Variants in HS3ST2 observed in about 807,000 individuals in gnomAD.
HS3ST2 encodes the protein heparan sulfate glucosamine 3-O-sulfotransferase 2.
Under a neutral mutation model 26.3 loss-of-function variants are expected in HS3ST2, and 17 were observed. That is an observed-to-expected ratio of 0.65 (90% CI 0.44 to 0.97). HS3ST2 has a LOEUF of 0.97. Ranked by LOEUF, HS3ST2 falls within the 50% of genes least tolerant of loss-of-function variation. HS3ST2 has a pLI of 0.00. For synonymous variants in HS3ST2, 237 were observed against 219.2 expected, an observed-to-expected ratio of 1.08 and a Z score of -0.72; for missense variants, 402 against 501.2, an observed-to-expected ratio of 0.80 and a Z score of 1.89.
rs1902475109 is a variant in HS3ST2 at position 22,915,063 on chromosome 16, T to C, written c.605T>C (p.Val202Ala). Residue 202 changes from valine (V) to alanine (A), a missense_variant, in exon 2 of 2, where the codon GTG becomes GCG. By Grantham distance (64) the Val-to-Ala change is moderately conservative. Coordinates refer to ENST00000261374, the MANE Select transcript of HS3ST2 (RefSeq NM_006043.2). The stretch of plus-strand genomic sequence containing the variant: ...ATGTCCCGAGACACCAAGCTGATCG[T>C]GGTTGTGCGGAACCCTGTGACCCGT... ...FNMSRDTKLIVVVRNPVTRAI... is the reference protein window; with the variant it reads ...FNMSRDTKLIAVVRNPVTRAI... 1 of 1,613,756 alleles carries C rather than the reference T, an allele frequency of 6.2e-7. No homozygotes were observed.
intron 1 of HS3ST2, among the ~76,000 whole-genome samples, chr16:22,878,199 T>G (rs184905670): frequency 6.6e-6 from 1 of 152,396 alleles, no homozygotes; most frequent in East Asian, 1.9e-4. Flanking sequence ...CTGTCATTCA[T>G]GTAGCCCCTT....
intron 1 of HS3ST2, among the ~76,000 whole-genome samples, chr16:22,899,497 C>T (rs1045862618): frequency 6.6e-6 from 1 of 152,152 alleles, no homozygotes; most frequent in African/African-American, 2.4e-5. Flanking sequence ...CTGAAATAGT[C>T]ATGCAGAGCT....
intron 1 of HS3ST2, among the ~76,000 whole-genome samples, chr16:22,887,810 A>G (rs961652937): frequency 1.3e-5 from 2 of 149,752 alleles, no homozygotes; most frequent in African/African-American, 4.9e-5. Flanking sequence ...CTAGCCAGGC[A>G]TGGTTGTATG....
At chr16:22,860,702 C>T (rs1901661837) in intron 1 of HS3ST2, among the ~76,000 whole-genome samples, 1 of 151,792 alleles carries the variant, frequency 6.6e-6, no homozygotes, top group Non-Finnish European at 1.5e-5. Context: ...AAGCCATAGT[C>T]TTAGATATAT....
chr16:22,822,611 T>C (rs1325375262), intron 1 of HS3ST2, among the ~76,000 whole-genome samples: 2 of 152,120 alleles, frequency 1.3e-5, no homozygotes, highest in African/African-American at 4.8e-5. Context: ...CCCAGCACTT[T>C]GGGAGGCCAA....
chr16:22,875,486 T>A (rs1476968708), intron 1 of HS3ST2, among the ~76,000 whole-genome samples: 14 of 152,146 alleles, frequency 9.2e-5, no homozygotes, highest in Admixed American at 2.6e-4. Flanking sequence ...GTTCAAGTGA[T>A]TCTCCTGCCT....
rs373426017 is a variant in HS3ST2 at position 22,847,741 on chromosome 16, G to A, written c.485+32646G>A. On this transcript the variant is annotated intron_variant, in intron 1 of 1. Transcript: ENST00000261374. ...GTCAGGAGTACGATTAACTTTGAAC[G>A]CCTGATGTTAAAAAAAAGAATAGGG... Among the ~76,000 whole-genome samples the A allele has an allele frequency of 4.7e-5, 7 of 150,520 alleles. No individual in the cohort carries two copies. In the East Asian group the frequency reaches 9.8e-4, roughly 21 times the overall value.
intron 1 of HS3ST2, among the ~76,000 whole-genome samples, chr16:22,911,776 C>T (rs1902427290): frequency 6.6e-6 from 1 of 152,148 alleles, no homozygotes; most frequent in Admixed American, 6.6e-5. Context: ...ATATGCAAGT[C>T]CTTAACTTAA....
At chr16:22,881,432 T>C (rs577169391) in intron 1 of HS3ST2, among the ~76,000 whole-genome samples, 2 of 152,294 alleles carry the variant, frequency 1.3e-5, no homozygotes, top group Non-Finnish European at 2.9e-5. Flanking sequence ...TTGCTCGGTC[T>C]CTACCCCTTC....
At chr16:22,889,292 GATA>G (rs1902102223) in intron 1 of HS3ST2, among the ~76,000 whole-genome samples, 1 of 152,164 alleles carries the variant, frequency 6.6e-6, no homozygotes, top group African/African-American at 2.4e-5. Context: ...TATTTGAGAT[GATA>G]ATAAGTACGG....
chr16:22,863,659 T>C (rs1274987576), intron 1 of HS3ST2, among the ~76,000 whole-genome samples: 1 of 152,180 alleles, frequency 6.6e-6, no homozygotes, highest in Non-Finnish European at 1.5e-5. Flanking sequence ...ATCTTCTGGC[T>C]GCCCCTAAAA....
chr16:22,821,971 T>C (rs1901001300), intron 1 of HS3ST2, among the ~76,000 whole-genome samples: 1 of 152,130 alleles, frequency 6.6e-6, no homozygotes, highest in African/African-American at 2.4e-5. Flanking sequence ...TCAGAGGAGC[T>C]GACAATGGCT....
chr16:22,909,860 T>A (rs1013034985), intron 1 of HS3ST2, among the ~76,000 whole-genome samples: 18 of 151,872 alleles, frequency 1.2e-4, no homozygotes, highest in Admixed American at 3.9e-4. Context: ...ACCAACCTGG[T>A]GAAACCCTGT....
intron 1 of HS3ST2, among the ~76,000 whole-genome samples, chr16:22,820,166 TA>T (rs1367723275): frequency 2.6e-5 from 4 of 152,026 alleles, no homozygotes; most frequent in Non-Finnish European, 5.9e-5. Context: ...ATTGAGTCCA[TA>T]AACCCCCCCC....
At chr16:22,844,947 C>T (rs1330605602) in intron 1 of HS3ST2, among the ~76,000 whole-genome samples, 3 of 151,724 alleles carry the variant, frequency 2.0e-5, no homozygotes, top group Non-Finnish European at 4.4e-5. Flanking sequence ...CTTCGCCTCC[C>T]AGGTTCACGC....
intron 1 of HS3ST2, among the ~76,000 whole-genome samples, chr16:22,820,118 G>T (rs1249159550): frequency 6.6e-6 from 1 of 152,094 alleles, no homozygotes; most frequent in Non-Finnish European, 1.5e-5. Context: ...CCCTGTCTTG[G>T]TCCAGGCGAA....
chr16:22,886,417 C>T (rs1465741627), intron 1 of HS3ST2, among the ~76,000 whole-genome samples: 2 of 152,164 alleles, frequency 1.3e-5, no homozygotes, highest in Non-Finnish European at 2.9e-5. Context: ...TTGGCCCAAA[C>T]CCCTGGGCTT....
At chr16:22,907,929 A>G (rs960551123) in intron 1 of HS3ST2, among the ~76,000 whole-genome samples, 3 of 152,098 alleles carry the variant, frequency 2.0e-5, no homozygotes, top group Non-Finnish European at 4.4e-5. Flanking sequence ...CTTGAGCCCA[A>G]GAGTTTGAGA....
intron 1 of HS3ST2, among the ~76,000 whole-genome samples, chr16:22,831,827 C>T (rs1049716881): frequency 2.0e-5 from 3 of 152,042 alleles, no homozygotes; most frequent in Non-Finnish European, 2.9e-5. Flanking sequence ...GGCAGACAAG[C>T]GAGTTTTCTG....
Sources: allele counts gnomAD v4.1 joint callset (sites outside exome capture counted in the v4.1 genomes callset), GRCh38; gene constraint gnomAD v4.1.1; transcripts MANE v1.5; gene names NCBI Gene and HGNC (gene_info 2026-07-23, HGNC 2026-07-21).